Variants in NAA16 observed in about 807,000 individuals in gnomAD.
The protein encoded by NAA16 is N-alpha-acetyltransferase 16, NatA auxiliary subunit, also known as NARG1-like protein.
In NAA16, 97 loss-of-function variants were observed where a neutral mutation model predicts 110.3. The observed-to-expected ratio is 0.88, with a 90% CI of 0.75 to 1.04. The LOEUF is 1.04. Among genes scored for constraint, NAA16 ranks in the 50% least tolerant of loss-of-function variants. The pLI is 0.00. For synonymous variants in NAA16, 372 were observed against 330.6 expected, an observed-to-expected ratio of 1.13 and a Z score of -1.36; for missense variants, 1,017 against 1,005.1, an observed-to-expected ratio of 1.01 and a Z score of -0.16.
chr13:41,353,940 A>G (rs1469790038), intron 9 of NAA16, among the ~76,000 whole-genome samples: 1 of 152,240 alleles, frequency 6.6e-6, no homozygotes, highest in Non-Finnish European at 1.5e-5. Flanking sequence ...TGTTTTTTAA[A>G]AAAGAAAACA....
chr13:41,332,617 A>G (rs555396104), intron 8 of NAA16, among the ~76,000 whole-genome samples: 26 of 152,290 alleles, frequency 1.7e-4, no homozygotes, highest in Non-Finnish European at 5.9e-5. Flanking sequence ...TGAATTGTAT[A>G]TTGGGACTTC....
intron 6 of NAA16, 73 bp from the exon 7 acceptor site, chr13:41,328,651 T>C: frequency 7.9e-7 from 1 of 1,258,122 alleles, no homozygotes; most frequent in Non-Finnish European, 1.1e-6. Context: ...TCACTGATAA[T>C]GTTTAGTGAA....
chr13:41,316,716 T>C, intron 1 of NAA16, 130 bp from the exon 2 acceptor site: 2 of 612,860 alleles, frequency 3.3e-6, no homozygotes, highest in Non-Finnish European at 3.0e-6. Flanking sequence ...TGCATGTTTG[T>C]AAGTGATATC....
intron 10 of NAA16, among the ~76,000 whole-genome samples, chr13:41,356,809 G>T (rs1303028269): frequency 6.6e-6 from 1 of 152,142 alleles, no homozygotes; most frequent in Non-Finnish European, 1.5e-5. Flanking sequence ...CTTTCTCATG[G>T]TATCATTTGC....
chr13:41,341,290 TAAG>T (rs1408850423), intron 9 of NAA16, among the ~76,000 whole-genome samples: 2 of 152,228 alleles, frequency 1.3e-5, no homozygotes, highest in Non-Finnish European at 2.9e-5. Context: ...AAGATAATGA[TAAG>T]AATATTTCTA....
intron 6 of NAA16, among the ~76,000 whole-genome samples, chr13:41,328,419 T>C (rs1234541670): frequency 6.6e-6 from 1 of 152,162 alleles, no homozygotes; most frequent in African/African-American, 2.4e-5. Context: ...TTGATGTGTT[T>C]GTGTGTGTCT....
chr13:41,319,534 G>A (rs2041893615), intron 3 of NAA16, among the ~76,000 whole-genome samples: 1 of 151,600 alleles, frequency 6.6e-6, no homozygotes, highest in Non-Finnish European at 1.5e-5. Flanking sequence ...TGTTTTTTGG[G>A]GGGAGGGAGT....
In NAA16 at chr13:41,311,555, G is replaced by A. The variant is rs1442010700; in HGVS notation, c.27G>A (p.Lys9=). 15 of 1,608,702 alleles carry A rather than the reference G, an allele frequency of 9.3e-6. No individual in the cohort carries two copies. Among genetic ancestry groups the A allele is most frequent in the Middle Eastern group, 1.7e-4 (1 of 6,034 alleles). Reference sequence around the variant, plus strand: ...TGCCGAACGTGCTGCTGCCGCCCAAGGAGAGCAACCTCTTCAAACGCATCT... The same window carrying A: ...TGCCGAACGTGCTGCTGCCGCCCAAAGAGAGCAACCTCTTCAAACGCATCT... MPNVLLPP[K]ESNLFKRILK... is the part of the protein sequence containing the mutation. Residue 9 remains lysine, a synonymous_variant, in exon 1 of 20, where the codon AAG becomes AAA. Transcript: ENST00000379406.
chr13:41,344,514 G>A (rs2042633136), intron 9 of NAA16, among the ~76,000 whole-genome samples: 1 of 152,176 alleles, frequency 6.6e-6, no homozygotes, highest in Admixed American at 6.5e-5. Flanking sequence ...GAGGTGAGGT[G>A]TGCTACTGGC....
At chr13:41,318,426 T>C (rs2041863162) in intron 2 of NAA16, among the ~76,000 whole-genome samples, 2 of 152,154 alleles carry the variant, frequency 1.3e-5, no homozygotes, top group South Asian at 4.1e-4. Flanking sequence ...GGTCTCGAAC[T>C]CTTGACCTCA....
intron 9 of NAA16, among the ~76,000 whole-genome samples, chr13:41,354,886 A>AT (rs10671840): frequency 0.021 from 2,317 of 112,398 alleles, 185 homozygotes; most frequent in African/African-American, 0.062. Context: ...GGAGTGGTCC[A>AT]TTTTTTTTTT....
At chr13:41,342,926 T>G (rs1360335012) in intron 9 of NAA16, among the ~76,000 whole-genome samples, 1 of 152,198 alleles carries the variant, frequency 6.6e-6, no homozygotes. Flanking sequence ...AAGTGCTGAG[T>G]AACTTGGCAC....
At chr13:41,356,854 G>T (rs181172571) in intron 10 of NAA16, among the ~76,000 whole-genome samples, 1 of 152,332 alleles carries the variant, frequency 6.6e-6, no homozygotes, top group East Asian at 1.9e-4. Context: ...GTAAGTTATA[G>T]TTAGGTTTAC....
chr13:41,355,340 G>A, intron 10 of NAA16, 124 bp downstream of exon 10: 1 of 591,306 alleles, frequency 1.7e-6, no homozygotes, highest in Middle Eastern at 2.9e-4. Flanking sequence ...CTTTCAAATT[G>A]GTGAATGAAA....
At chr13:41,328,543 A>G (rs7339232) in intron 6 of NAA16, among the ~76,000 whole-genome samples, 181 bp from the exon 7 acceptor site, 11,294 of 152,190 alleles carry the variant, frequency 0.074, 1,394 homozygotes, top group African/African-American at 0.26. Flanking sequence ...AAAGGTACAA[A>G]TGAAGGTTCA....
At chr13:41,323,983 C>T (rs145573651) in intron 5 of NAA16, among the ~76,000 whole-genome samples, 55 of 152,310 alleles carry the variant, frequency 3.6e-4, no homozygotes, top group African/African-American at 1.3e-3. Context: ...GTAATTTCCT[C>T]TTTATGGATA....
chr13:41,367,346 A>T, intron 13 of NAA16, 93 bp from the exon 14 acceptor site: 1 of 826,716 alleles, frequency 1.2e-6, no homozygotes, highest in Non-Finnish European at 1.9e-6. Context: ...GACTGTTTAA[A>T]TTGTTTTTTG....
intron 9 of NAA16, among the ~76,000 whole-genome samples, chr13:41,350,712 C>A (rs1378226451): frequency 6.6e-6 from 1 of 151,430 alleles, no homozygotes; most frequent in Non-Finnish European, 1.5e-5. Flanking sequence ...TCTCCACCTC[C>A]TGGGCTCAAG....
intron 4 of NAA16, among the ~76,000 whole-genome samples, chr13:41,322,751 G>C (rs1280623959): frequency 6.6e-6 from 1 of 151,460 alleles, no homozygotes; most frequent in African/African-American, 2.4e-5. Flanking sequence ...AACCATCTTA[G>C]TCTTCTTACA....
Sources: gnomAD v4.1 joint callset for allele counts (sites outside exome capture counted in the v4.1 genomes callset) on GRCh38, gnomAD v4.1.1 for gene constraint, MANE v1.5 for transcripts, NCBI Gene and HGNC (gene_info 2026-07-23, HGNC 2026-07-21) for gene names.